Variants in TUSC3 observed in about 807,000 individuals in gnomAD.
TUSC3 encodes dolichyl-diphosphooligosaccharide--protein glycosyltransferase subunit TUSC3.
A neutral mutation model predicts 44.8 loss-of-function variants in TUSC3; 45 were observed. That is an observed-to-expected ratio of 1.00 (90% CI 0.79 to 1.29). TUSC3 has a LOEUF of 1.29. Ranked by LOEUF, TUSC3 falls within the 50% of genes most tolerant of loss-of-function variation. The pLI is 0.00. For synonymous variants in TUSC3, 212 were observed against 152.9 expected (o/e 1.39, Z -2.85); for missense variants, 519 against 437.9 (o/e 1.19, Z -1.65).
At chr8:15,622,573 A>G (rs1805298326) in intron 1 of TUSC3, among the ~76,000 whole-genome samples, 1 of 152,344 alleles carries the variant, frequency 6.6e-6, no homozygotes, top group East Asian at 1.9e-4. Context: ...AATGACTTTT[A>G]GCACAGTACA....
At chr8:15,495,704 C>G (rs896819105) in intron 2 of TUSC3, among the ~76,000 whole-genome samples, 1 of 152,154 alleles carries the variant, frequency 6.6e-6, no homozygotes, top group Non-Finnish European at 1.5e-5. Flanking sequence ...CTGGGTTACT[C>G]TTCCAGGGAA....
At chr8:15,500,262 A>C (rs1800941959) in intron 2 of TUSC3, among the ~76,000 whole-genome samples, 1 of 152,212 alleles carries the variant, frequency 6.6e-6, no homozygotes, top group Non-Finnish European at 1.5e-5. Flanking sequence ...TCTTGACAGA[A>C]GTTAGTAGAT....
chr8:15,478,221 C>T (rs1800608244), intron 1 of TUSC3, among the ~76,000 whole-genome samples: 1 of 152,170 alleles, frequency 6.6e-6, no homozygotes, highest in Admixed American at 6.5e-5. Flanking sequence ...CTGCCTCAGC[C>T]TCCCAAAGTG....
intron 1 of TUSC3, among the ~76,000 whole-genome samples, chr8:15,587,177 G>T (rs1803637806): frequency 6.6e-6 from 1 of 151,962 alleles, no homozygotes; most frequent in Non-Finnish European, 1.5e-5. Flanking sequence ...CTTATAACTT[G>T]GATTTCTTCT....
At chr8:15,772,706 T>G in the TUSC3 span, among the ~76,000 whole-genome samples, 1 of 152,182 alleles carries the variant, frequency 6.6e-6, no homozygotes, top group Non-Finnish European at 1.5e-5. Context: ...GAAAATTATC[T>G]CCTATGTAAT....
chr8:15,707,695 G>A (rs755816607), intron 6 of TUSC3, among the ~76,000 whole-genome samples: 3 of 151,966 alleles, frequency 2.0e-5, no homozygotes, highest in Non-Finnish European at 4.4e-5. Context: ...AAGCTCAGAT[G>A]TTTACATTGA....
chr8:15,566,296 A>G (rs1376907176), intron 1 of TUSC3, among the ~76,000 whole-genome samples: 1 of 152,130 alleles, frequency 6.6e-6, no homozygotes, highest in Non-Finnish European at 1.5e-5. Context: ...TTGTCAGTGT[A>G]TGTTCATCAT....
intron 1 of TUSC3, among the ~76,000 whole-genome samples, chr8:15,569,282 C>T (rs960917778): frequency 2.0e-5 from 3 of 152,078 alleles, no homozygotes; most frequent in Non-Finnish European, 4.4e-5. Context: ...GTCTATATCT[C>T]TATATAGTTT....
chr8:15,748,566 G>T (rs1206006522), intron 9 of TUSC3, 101 bp downstream of exon 9: 1 of 1,175,978 alleles, frequency 8.5e-7, no homozygotes, highest in Non-Finnish European at 1.3e-6. Context: ...GTTGCTGTGT[G>T]GTTTTTTTAA....
At chr8:15,499,352 C>T (rs867999913) in intron 2 of TUSC3, among the ~76,000 whole-genome samples, 7 of 152,180 alleles carry the variant, frequency 4.6e-5, no homozygotes, top group African/African-American at 1.7e-4. Flanking sequence ...TGTATACACC[C>T]ATGTTAACAT....
In TUSC3 at chr8:15,764,533, A is replaced by T. The variant is rs910973404; in HGVS notation, c.*377A>T. On this transcript the variant is annotated 3_prime_UTR_variant, in exon 11 of 11. Transcript: ENST00000503731. ...CTCATTAGTAAAGGACCGCAATGTT[A>T]GTAAAGAAAACCTATGAAATGTATG... 1.4e-5 allele frequency: 4 copies of T among 292,612 alleles called. No individual in the cohort carries two copies. The highest frequency in any genetic ancestry group is 2.0e-5 in the Non-Finnish European group (3 of 151,926). The allele number at this position is 292,612 out of a possible 1,614,324, so 18.1% of individuals were successfully genotyped here. A position where few individuals can be genotyped will look rare whatever the true frequency, so the allele number is the denominator to read the frequency against.
At chr8:15,473,281 G>A (rs1049143469) in intron 1 of TUSC3, among the ~76,000 whole-genome samples, 5 of 152,148 alleles carry the variant, frequency 3.3e-5, no homozygotes, top group African/African-American at 1.2e-4. Flanking sequence ...ATTATTATAA[G>A]GGGTACAACC....
At chr8:15,661,735 G>C (rs914083146) in intron 4 of TUSC3, among the ~76,000 whole-genome samples, 3 of 151,840 alleles carry the variant, frequency 2.0e-5, no homozygotes, top group Non-Finnish European at 4.4e-5. Context: ...CGTCAAAAAA[G>C]TAGCACACAG....
chr8:15,423,635 C>T (rs748683868), intron 1 of TUSC3, among the ~76,000 whole-genome samples: 1 of 152,162 alleles, frequency 6.6e-6, no homozygotes, highest in Non-Finnish European at 1.5e-5. Context: ...GAAATACCTG[C>T]TCACCATTAC....
In TUSC3 at chr8:15,650,614, T is replaced by TCCTAG. The variant is rs1203259728; in HGVS notation, c.309-82_309-78dup. ...CTGTACAAAAACTGGCCAGTGCTTG[T>TCCTAG]CCTAGGGTTGTCTGTTTTAATAACT... On this transcript the variant is annotated intron_variant, in intron 2 of 10. Transcript: ENST00000503731. 117 of 1,190,994 alleles carry TCCTAG rather than the reference T, an allele frequency of 9.8e-5. 1 individual carries two copies. The highest frequency in any genetic ancestry group is 1.4e-4 in the Non-Finnish European group (108 of 796,542). The allele number at this position is 1,190,994 out of a possible 1,614,324, so 73.8% of individuals were successfully genotyped here. A position where few individuals can be genotyped will look rare whatever the true frequency, so the allele number is the denominator to read the frequency against.
intron 1 of TUSC3, among the ~76,000 whole-genome samples, chr8:15,427,122 T>C (rs1003012726): frequency 6.6e-6 from 1 of 151,356 alleles, no homozygotes; most frequent in South Asian, 2.1e-4. Context: ...TTACATACTT[T>C]GGAAATTAAC....
chr8:15,705,364 C>T (rs1055726603), intron 6 of TUSC3, among the ~76,000 whole-genome samples: 1 of 151,904 alleles, frequency 6.6e-6, no homozygotes, highest in African/African-American at 2.4e-5. Context: ...TATGGAAAAC[C>T]ACTCCAGAAT....
At chr8:15,600,421 C>T (rs1804237552) in intron 1 of TUSC3, among the ~76,000 whole-genome samples, 1 of 151,680 alleles carries the variant, frequency 6.6e-6, no homozygotes, top group African/African-American at 2.4e-5. Context: ...ATAATCCTAA[C>T]CCACTTAAAG....
chr8:15,546,752 C>G lies in TUSC3; in HGVS notation c.138+6184C>G, dbSNP rs1801880354. The stretch of plus-strand genomic sequence containing the variant: ...GTTTCTCCATGTTGGTCAGGCTGGT[C>G]TGTAACTCCCGACCTCAGGTGATCT... On this transcript the variant is annotated intron_variant, in intron 1 of 10. Coordinates refer to ENST00000503731, the MANE Select transcript of TUSC3 (RefSeq NM_006765.4). 2.0e-5 allele frequency among the ~76,000 whole-genome samples: 3 copies of G among 151,662 alleles called. No individual in the cohort carries two copies. The South Asian group carries it at 6.3e-4, about 32-fold the overall frequency.
Sources: gnomAD v4.1 joint callset for allele counts (sites outside exome capture counted in the v4.1 genomes callset) on GRCh38, gnomAD v4.1.1 for gene constraint, MANE v1.5 for transcripts, NCBI Gene and HGNC (gene_info 2026-07-23, HGNC 2026-07-21) for gene names.